The following GRAMD1B variants were observed in gnomAD, a reference collection of about 807,000 sequenced individuals.
GRAMD1B encodes GRAM domain containing 1B.
Under a neutral mutation model 99.7 loss-of-function variants are expected in GRAMD1B, and 37 were observed. That is an observed-to-expected ratio of 0.37 (90% confidence interval 0.29 to 0.49). The LOEUF (loss-of-function observed/expected upper bound fraction) is 0.49, where lower values mean the gene tolerates loss of function less well. Ranked by LOEUF, GRAMD1B falls within the 20% of genes least tolerant of loss-of-function variation. The probability of loss-of-function intolerance (pLI) is 0.98; values close to 1 mark genes in which losing one functional copy is unlikely to be tolerated. For missense variants in GRAMD1B, 888 were observed against 1,009.2 expected, an observed-to-expected ratio of 0.88 and a Z score of 1.63; for synonymous variants, 427 against 387.6, an observed-to-expected ratio of 1.10 and a Z score of -1.19.
chr11:123,499,452 C>T (rs975737236), intron 2 of GRAMD1B, among the ~76,000 whole-genome samples: 6 of 152,204 alleles, frequency 3.9e-5, no homozygotes, highest in African/African-American at 1.4e-4. Flanking sequence ...GTGTCCCTTA[C>T]CTGTCTTCTG....
chr11:123,595,038 C>T (rs1363979977), intron 6 of GRAMD1B, among the ~76,000 whole-genome samples, 200 bp downstream of exon 6: 4 of 152,110 alleles, frequency 2.6e-5, no homozygotes, highest in Non-Finnish European at 5.9e-5. Flanking sequence ...CTCCCTCCCT[C>T]CCCTTTGGGT....
chr11:123,576,606 A>G (rs77075230), intron 2 of GRAMD1B, among the ~76,000 whole-genome samples: 2,765 of 152,330 alleles, frequency 0.018, 76 homozygotes, highest in African/African-American at 0.063. Flanking sequence ...GGGAAGTACA[A>G]GGTACTTATT....
At chr11:123,392,916 C>T (rs1565469634) in intron 1 of GRAMD1B, among the ~76,000 whole-genome samples, 1 of 152,190 alleles carries the variant, frequency 6.6e-6, no homozygotes, top group African/African-American at 2.4e-5. Context: ...TTTACTTCAA[C>T]CACTTTTCTT....
rs114003724 is a variant in GRAMD1B, at chr11:123,597,749, A to G, written c.969+1712A>G. 4.8e-3 allele frequency among the ~76,000 whole-genome samples: 729 copies of G among 152,364 alleles called. 8 individuals carry two copies. The highest frequency in any genetic ancestry group is 0.014 in the South Asian group (68 of 4,828). On this transcript the variant is annotated intron_variant, in intron 7 of 19. Coordinates refer to ENST00000635736, the MANE Select transcript of GRAMD1B (RefSeq NM_001387025.1). ...AGGTCTGGTTTTATTTTCTTGCAGA[A>G]TCTTTTTAAATATAAAACATAAAAC... is the stretch of plus-strand genomic sequence containing the variant.
chr11:123,379,597 G>A (rs1946804971), intron 1 of GRAMD1B, among the ~76,000 whole-genome samples: 1 of 152,092 alleles, frequency 6.6e-6, no homozygotes, highest in Non-Finnish European at 1.5e-5. Flanking sequence ...TAGATATTTG[G>A]GTTGTTTTTA....
At chr11:123,445,647 C>T (rs1284206528) in intron 1 of GRAMD1B, among the ~76,000 whole-genome samples, 1 of 152,000 alleles carries the variant, frequency 6.6e-6, no homozygotes, top group Non-Finnish European at 1.5e-5. Flanking sequence ...GAAACCCCCT[C>T]TCTACCACAA....
intron 2 of GRAMD1B, among the ~76,000 whole-genome samples, chr11:123,571,485 T>C (rs1948084611): frequency 6.6e-6 from 1 of 152,090 alleles, no homozygotes; most frequent in Non-Finnish European, 1.5e-5. Flanking sequence ...GATCAAACCA[T>C]AGGTAGCATG....
intron 1 of GRAMD1B, among the ~76,000 whole-genome samples, chr11:123,420,279 G>C (rs1948383334): frequency 6.6e-6 from 1 of 152,072 alleles, no homozygotes; most frequent in Non-Finnish European, 1.5e-5. Flanking sequence ...AATGGAACCA[G>C]GAAGCACCAG....
intron 2 of GRAMD1B, among the ~76,000 whole-genome samples, chr11:123,489,166 C>T (rs1469442227): frequency 1.3e-5 from 2 of 152,116 alleles, no homozygotes; most frequent in Non-Finnish European, 2.9e-5. Flanking sequence ...GAAATCATGC[C>T]TGGCCTGTGG....
At chr11:123,513,613 C>T (rs111279879) in intron 2 of GRAMD1B, among the ~76,000 whole-genome samples, 6,439 of 38,266 alleles carry the variant, frequency 0.17, 396 homozygotes, top group African/African-American at 0.24. Context: ...TTCCTTCCTT[C>T]CTTCCTTTCT....
rs918915667 is a variant in GRAMD1B at position 123,388,617 on chromosome 11, T to A, written c.-176+29818T>A. On this transcript the variant is annotated intron_variant, in intron 1 of 20. Transcript: ENST00000638157. ...TGAGCCAGGGAGGTTGAAGCTGCAG[T>A]GAGCTAAGATTGCACCATTGCCCTA... is the stretch of plus-strand genomic sequence containing the variant. Among the ~76,000 whole-genome samples, 3 of 152,034 alleles carry A rather than the reference T, an allele frequency of 2.0e-5. No individual in the cohort carries two copies. The East Asian group carries it at 5.8e-4, about 29-fold the overall frequency.
chr11:123,417,645 GAAAC>G (rs1298085066), intron 1 of GRAMD1B, among the ~76,000 whole-genome samples: 3 of 152,004 alleles, frequency 2.0e-5, no homozygotes, highest in Non-Finnish European at 4.4e-5. Context: ...ATATTTCAAT[GAAAC>G]AAACAGGCTG....
intron 8 of GRAMD1B, among the ~76,000 whole-genome samples, 168 bp downstream of exon 8, chr11:123,600,716 A>G (rs1353869260): frequency 6.6e-6 from 1 of 152,184 alleles, no homozygotes; most frequent in Non-Finnish European, 1.5e-5. Context: ...CAACACCCCC[A>G]GGAGTAAGGC....
Position 123,613,585 on chromosome 11 carries a change from C to G in GRAMD1B, c.2154C>G (p.His718Gln). 4 of 1,613,864 alleles carry G rather than the reference C, an allele frequency of 2.5e-6. No individual in the cohort carries two copies. The highest frequency in any genetic ancestry group is 1.3e-5 in the African/African-American group (1 of 75,038). Residue 718 changes from histidine (H) to glutamine (Q), a missense_variant, in exon 16 of 20, where the codon CAC becomes CAG. His to Gln is a conservative substitution (Grantham distance 24). This residue lies in a region of GRAMD1B where 232 missense variants were observed against 261.7 expected (regional missense o/e 0.89). Transcript: ENST00000635736. Reference sequence around the variant, plus strand: ...CCCATGCCCACCTGCGAGTCCCTCACCTGGAAGAGGTGATGAGCCCGGTCA... The same window carrying G: ...CCCATGCCCACCTGCGAGTCCCTCAGCTGGAAGAGGTGATGAGCCCGGTCA... ...KRPHAHLRVPHLEEVMSPVTT... is the reference protein window; with the variant it reads ...KRPHAHLRVPQLEEVMSPVTT...
At chr11:123,513,685 G>A (rs1033649697) in intron 2 of GRAMD1B, among the ~76,000 whole-genome samples, 22 of 115,048 alleles carry the variant, frequency 1.9e-4, no homozygotes, top group African/African-American at 6.6e-4. Flanking sequence ...TTCTTTCACA[G>A]GGTCTCTATT....
chr11:123,382,128 G>C (rs544316741), intron 1 of GRAMD1B, among the ~76,000 whole-genome samples: 36 of 152,180 alleles, frequency 2.4e-4, no homozygotes, highest in Non-Finnish European at 4.3e-4. Flanking sequence ...CTGGGGATTG[G>C]GGGGAAGGGA....
intron 2 of GRAMD1B, among the ~76,000 whole-genome samples, chr11:123,517,620 C>T (rs575575391): frequency 2.0e-4 from 31 of 151,340 alleles, no homozygotes; most frequent in South Asian, 6.3e-4. Context: ...TCTAGAATCG[C>T]GGTGCTAAAC....
chr11:123,551,082 G>A (rs1945558890), intron 2 of GRAMD1B, among the ~76,000 whole-genome samples: 2 of 152,172 alleles, frequency 1.3e-5, no homozygotes, highest in African/African-American at 2.4e-5. Context: ...ATTGGGCTGA[G>A]GGAGAAGTTC....
chr11:123,611,194 G>A (rs567862280), intron 14 of GRAMD1B, among the ~76,000 whole-genome samples: 1 of 133,052 alleles, frequency 7.5e-6, no homozygotes, highest in African/African-American at 2.6e-5. Flanking sequence ...ACACATTTTG[G>A]GAGGCTTACG....
Sources: allele counts gnomAD v4.1 joint callset (sites outside exome capture counted in the v4.1 genomes callset), GRCh38; gene constraint gnomAD v4.1.1; regional missense constraint gnomAD v4.1.1; transcripts MANE v1.5; gene names NCBI Gene and HGNC (gene_info 2026-07-23, HGNC 2026-07-21).